TMEM123: variants seen among roughly 807,000 people sequenced by gnomAD.
The protein encoded by TMEM123 is porimin.
TMEM123 carries 16 observed loss-of-function variants against 19.7 expected under a neutral mutation model. The observed-to-expected ratio is 0.81, with a 90% CI of 0.55 to 1.23. The LOEUF (loss-of-function observed/expected upper bound fraction) is 1.23. TMEM123 is among the 50% of genes most tolerant of loss of function. TMEM123 has a pLI of 0.00. For synonymous variants in TMEM123, 118 were observed against 99.4 expected, an observed-to-expected ratio of 1.19 and a Z score of -1.12; for missense variants, 313 against 257.8, an observed-to-expected ratio of 1.21 and a Z score of -1.47.
chr11:102,432,233 T>G (rs941688731), intron 2 of TMEM123, among the ~76,000 whole-genome samples: 2 of 152,086 alleles, frequency 1.3e-5, no homozygotes, highest in African/African-American at 2.4e-5. Flanking sequence ...TCCTAGAGAC[T>G]TGGAGGGCTC....
Position 102,398,760 on chromosome 11 carries a change from GTTT to G in TMEM123, c.*104_*106del, listed in dbSNP as rs1951882936. 8.7e-7 allele frequency: 1 copy of G among 1,152,942 alleles called. No individual in the cohort carries two copies. The highest frequency in any genetic ancestry group is 1.6e-5 in the African/African-American group (1 of 63,890). The allele number at this position is 1,152,942 out of a possible 1,614,324, so 71.4% of individuals were successfully genotyped here. ...ACACTGTACATTATATGCATGGCCTGTTTATACTATTTTCAAAAAGAGAATATT... is the reference window on the plus strand; with the variant it reads ...ACACTGTACATTATATGCATGGCCTGATACTATTTTCAAAAAGAGAATATT... On this transcript the variant is annotated 3_prime_UTR_variant, in exon 5 of 5. Transcript: ENST00000398136.
rs1951864370 is a variant in TMEM123, at chr11:102,397,146, A to G, written c.*1721T>C. 2 of 152,142 alleles carry G rather than the reference A, an allele frequency of 1.3e-5. No individual in the cohort carries two copies. Among genetic ancestry groups the G allele is most frequent in the African/African-American group, 2.4e-5 (1 of 41,398 alleles). 9.4% of individuals were successfully genotyped at this position (152,142 alleles called of 1,614,324 possible). On this transcript the variant is annotated 3_prime_UTR_variant, in exon 5 of 5. Transcript: ENST00000398136. ...AGAAAATTTCCTCCATACTCCATGT[A>G]TGTGTTACATACATCCAATCATATC...
intron 1 of TMEM123, chr11:102,449,140 G>A (rs1712643579): frequency 3.1e-6 from 1 of 326,060 alleles, no homozygotes; most frequent in Non-Finnish European, 6.0e-6. Flanking sequence ...GAATGCAACA[G>A]CTTTGCCAAA....
chr11:102,446,367 T>C (rs573518976), intron 2 of TMEM123, among the ~76,000 whole-genome samples: 91 of 152,274 alleles, frequency 6.0e-4, no homozygotes, highest in African/African-American at 1.9e-3. Flanking sequence ...AAATAATGAT[T>C]AGAGGACATA....
chr11:102,417,366 A>G (rs2135850654), intron 2 of TMEM123, among the ~76,000 whole-genome samples: 1 of 152,286 alleles, frequency 6.6e-6, no homozygotes, highest in Admixed American at 6.5e-5. Context: ...CCAAGCTGAG[A>G]GCCAAATCAA....
intron 2 of TMEM123, chr11:102,448,322 C>T (rs919618203): frequency 4.2e-5 from 19 of 455,378 alleles, no homozygotes; most frequent in African/African-American, 2.8e-4. Flanking sequence ...AAGGCTTTGT[C>T]CCAAACTAAA....
rs1401718141 is a variant in TMEM123, at chr11:102,397,084, C to CT, written c.*1782dup. 2 of 152,168 alleles carry CT rather than the reference C, an allele frequency of 1.3e-5. No homozygotes were observed. The highest frequency in any genetic ancestry group is 3.8e-4 in the East Asian group (2 of 5,206). 9.4% of individuals were successfully genotyped at this position (152,168 alleles called of 1,614,324 possible). A position where few individuals can be genotyped will look rare whatever the true frequency, so the allele number is the denominator to read the frequency against. On this transcript the variant is annotated 3_prime_UTR_variant, in exon 5 of 5. Coordinates refer to ENST00000398136, the MANE Select transcript of TMEM123 (RefSeq NM_052932.3). ...ACATACAACTCAGCCATCAGCCCAC[C>CT]TCTCCTTCAAACTAAACTAATCTAA...
At chr11:102,428,466 T>G (rs1045431896) in intron 2 of TMEM123, among the ~76,000 whole-genome samples, 1 of 137,796 alleles carries the variant, frequency 7.3e-6, no homozygotes, top group Non-Finnish European at 1.6e-5. Flanking sequence ...CACACCCAGC[T>G]TTTTTTTTTT....
At chr11:102,444,763 C>G (rs1857864404) in intron 2 of TMEM123, among the ~76,000 whole-genome samples, 1 of 151,882 alleles carries the variant, frequency 6.6e-6, no homozygotes, top group African/African-American at 2.4e-5. Context: ...AGACTTGGAA[C>G]CAACCCAAAT....
intron 2 of TMEM123, among the ~76,000 whole-genome samples, chr11:102,440,263 T>C (rs559115402): frequency 6.6e-6 from 1 of 152,142 alleles, no homozygotes; most frequent in African/African-American, 2.4e-5. Context: ...TCACCAAAGT[T>C]GAAATGAAGG....
intron 2 of TMEM123, among the ~76,000 whole-genome samples, chr11:102,445,699 C>A (rs188576785): frequency 6.6e-6 from 1 of 152,164 alleles, no homozygotes; most frequent in Non-Finnish European, 1.5e-5. Context: ...AATCTAAATG[C>A]AAGCCAGGTC....
chr11:102,443,095 C>T (rs1440321119), intron 2 of TMEM123, among the ~76,000 whole-genome samples: 2 of 152,132 alleles, frequency 1.3e-5, no homozygotes. Flanking sequence ...CAGGAAGAAT[C>T]AATATCGTGA....
intron 2 of TMEM123, among the ~76,000 whole-genome samples, chr11:102,426,476 T>C (rs2250655): frequency 6.6e-6 from 1 of 151,390 alleles, no homozygotes; most frequent in African/African-American, 2.4e-5. Flanking sequence ...TAAGTGATGG[T>C]GTCTCGCTCT....
chr11:102,402,223 A>T lies in TMEM123; in HGVS notation c.158-17T>A. The T allele has an allele frequency of 6.2e-7, 1 of 1,608,146 alleles. No individual in the cohort carries two copies. Among genetic ancestry groups the T allele is most frequent in the Non-Finnish European group, 8.5e-7 (1 of 1,176,174 alleles). On this transcript the variant is annotated splice_polypyrimidine_tract_variant and intron_variant, in intron 2 of 4. Coordinates refer to ENST00000398136, the MANE Select transcript of TMEM123 (RefSeq NM_052932.3). ...GGAGAGTCTCTGCAATAATATCAAG[A>T]AACATTAAAACCAGAGCTATGATTT...
chr11:102,410,053 A>AAAGTAAC (rs1252313737), intron 2 of TMEM123, among the ~76,000 whole-genome samples: 1 of 152,242 alleles, frequency 6.6e-6, no homozygotes, highest in Non-Finnish European at 1.5e-5. Context: ...TGATCACAGA[A>AAAGTAAC]AAGTAACAAC....
At chr11:102,442,238 G>A (rs1857834708) in intron 2 of TMEM123, among the ~76,000 whole-genome samples, 1 of 152,022 alleles carries the variant, frequency 6.6e-6, no homozygotes, top group African/African-American at 2.4e-5. Flanking sequence ...GCCTGGCAGA[G>A]ACACAACAAA....
chr11:102,452,487 C>T, intron 1 of TMEM123, 37 bp downstream of exon 1: 2 of 1,437,510 alleles, frequency 1.4e-6, no homozygotes, highest in Non-Finnish European at 1.8e-6. Flanking sequence ...CGCGCTGCCT[C>T]CCACGAACGG....
chr11:102,444,315 A>C lies in TMEM123; in HGVS notation c.157+4497T>G, dbSNP rs534024524. On this transcript the variant is annotated intron_variant, in intron 2 of 4. Transcript: ENST00000398136. ...AGCAACCCAAATGTCCATCAATGAT[A>C]GAGTGGATTAAGACAATGGCACAGA... Among the ~76,000 whole-genome samples the C allele has an allele frequency of 2.6e-5, 4 of 152,344 alleles. No homozygotes were observed. The East Asian group carries it at 5.8e-4, about 22-fold the overall frequency.
intron 4 of TMEM123, among the ~76,000 whole-genome samples, chr11:102,399,970 C>A (rs1951896353): frequency 2.0e-5 from 3 of 147,450 alleles, no homozygotes; most frequent in Non-Finnish European, 1.5e-5. Context: ...AACTCCATCT[C>A]AAAAAAAAAA....
Sources: gnomAD v4.1 joint callset for allele counts (sites outside exome capture counted in the v4.1 genomes callset) on GRCh38, gnomAD v4.1.1 for gene constraint, MANE v1.5 for transcripts, NCBI Gene and HGNC (gene_info 2026-07-23, HGNC 2026-07-21) for gene names.